NUCB1: variants seen among roughly 807,000 people sequenced by gnomAD.
NUCB1 encodes nucleobindin 1.
In NUCB1, 47 loss-of-function variants were observed where a neutral mutation model predicts 61.2. The ratio of observed to expected loss-of-function variants is 0.77; its 90% CI spans 0.61 to 0.98. The LOEUF (loss-of-function observed/expected upper bound fraction) is 0.98, where lower values mean the gene tolerates loss of function less well. NUCB1 is among the 50% of genes least tolerant of loss of function. The pLI is 0.00. For missense variants in NUCB1, 583 were observed against 605.3 expected, an observed-to-expected ratio of 0.96 and a Z score of 0.39; for synonymous variants, 234 against 243.1, an observed-to-expected ratio of 0.96 and a Z score of 0.35.
Position 48,908,648 on chromosome 19 carries a change from C to CGTGTGTGTGTGTGTGT in NUCB1, c.377-2466_377-2451dup, listed in dbSNP as rs58211997. Among the ~76,000 whole-genome samples, 641 of 86,532 alleles carry CGTGTGTGTGTGTGTGT rather than the reference C, an allele frequency of 7.4e-3. 23 individuals are homozygous for CGTGTGTGTGTGTGTGT. The highest frequency in any genetic ancestry group is 0.023 in the Middle Eastern group (4 of 176). The allele number at this position is 86,532 out of a possible 152,430, so 56.8% of individuals were successfully genotyped here. Reference sequence around the variant, plus strand: ...CTAGGTCTCCCAAATTCTAGCTGCCCGTGTGTGTGTGTGTGTGTGTGTGTG... The same window carrying CGTGTGTGTGTGTGTGT: ...CTAGGTCTCCCAAATTCTAGCTGCCCGTGTGTGTGTGTGTGTGTGTGTGTGTGTGTGTGTGTGTGTG... On this transcript the variant is annotated intron_variant, in intron 4 of 12. Transcript: ENST00000405315.
chr19:48,906,722 CA>C (rs1001905055), intron 4 of NUCB1, among the ~76,000 whole-genome samples: 24 of 143,122 alleles, frequency 1.7e-4, no homozygotes, highest in Non-Finnish European at 1.2e-4. Context: ...GATCCCATCT[CA>C]AAAAAAAAAA....
At chr19:48,921,767 T>A in intron 11 of NUCB1, 60 bp from the exon 12 acceptor site, 4 of 1,524,872 alleles carry the variant, frequency 2.6e-6, no homozygotes, top group Non-Finnish European at 3.6e-6. Context: ...GACTGAGGCC[T>A]GAGCACTTGC....
chr19:48,921,484 CCGTCTCTGA>C, intron 11 of NUCB1, 160 bp downstream of exon 11: 1 of 845,178 alleles, frequency 1.2e-6, no homozygotes, highest in Non-Finnish European at 1.9e-6. Context: ...AGACGTTTTC[CCGTCTCTGA>C]CGGCTCTGTG....
At chr19:48,904,529 T>A in intron 3 of NUCB1, 75 bp downstream of exon 3, 1 of 502,310 alleles carries the variant, frequency 2.0e-6, no homozygotes, top group Non-Finnish European at 3.1e-6. Flanking sequence ...ACTGGTTTCT[T>A]TTTTTTTTTT....
At chr19:48,911,426 A>T (rs2037472397) in intron 5 of NUCB1, among the ~76,000 whole-genome samples, 174 bp downstream of exon 5, 1 of 137,974 alleles carries the variant, frequency 7.2e-6, no homozygotes. Flanking sequence ...TTTTTTTGAG[A>T]CGAAATCTCG....
In NUCB1 at chr19:48,911,213, T is replaced by A. The variant is rs1399999179; in HGVS notation, c.441T>A (p.His147Gln). Residue 147 changes from histidine (H) to glutamine (Q), a missense_variant, in exon 5 of 13, where the codon CAT becomes CAA. By Grantham distance (24) the His-to-Gln change is conservative. Coordinates refer to ENST00000405315, the MANE Select transcript of NUCB1 (RefSeq NM_006184.6). ...AACACCTGGACCCTCAGAACCAGCATACATTCGAGGCCCGCGACCTGGAGC... is the reference window on the plus strand; with the variant it reads ...AACACCTGGACCCTCAGAACCAGCAAACATTCGAGGCCCGCGACCTGGAGC... ...QFEHLDPQNQ[H>Q]TFEARDLELL... is the part of the protein sequence containing the mutation. 6.2e-7 allele frequency: 1 copy of A among 1,613,670 alleles called. No homozygotes were observed. The highest frequency in any genetic ancestry group is 1.3e-5 in the African/African-American group (1 of 74,872).
chr19:48,908,136 T>G (rs781216462), intron 4 of NUCB1, among the ~76,000 whole-genome samples: 14 of 152,024 alleles, frequency 9.2e-5, no homozygotes, highest in Non-Finnish European at 1.9e-4. Context: ...CTCTTTTGGT[T>G]GTTGTTGTTT....
Position 48,921,189 on chromosome 19 carries a change from G to C in NUCB1, c.1038G>C (p.Glu346Asp), listed in dbSNP as rs377541515. ...VEMHPAYTEE[E>D]LRRFEEELAA... ...TGCACCCTGCCTACACCGAGGAAGA[G>C]CTGAGGCGCTTTGAAGAGGAGCTGG... The change falls in exon 11 of 13, where the codon GAG becomes GAC. Residue 346 changes from glutamate to aspartate, a missense_variant. Glu to Asp is a conservative substitution (Grantham distance 45, BLOSUM62 2). Transcript: ENST00000405315. 9.3e-6 allele frequency: 15 copies of C among 1,613,028 alleles called. No homozygotes were observed. Among genetic ancestry groups the C allele is most frequent in the Non-Finnish European group, 1.3e-5 (15 of 1,179,742 alleles).
chr19:48,910,074 T>G (rs2037455097), intron 4 of NUCB1, among the ~76,000 whole-genome samples: 1 of 151,944 alleles, frequency 6.6e-6, no homozygotes, highest in Non-Finnish European at 1.5e-5. Flanking sequence ...TGTATGTATG[T>G]ATTTATTTTA....
intron 7 of NUCB1, among the ~76,000 whole-genome samples, chr19:48,917,323 T>A (rs2037552052): frequency 6.6e-6 from 1 of 152,106 alleles, no homozygotes; most frequent in African/African-American, 2.4e-5. Context: ...TTTTTTATTT[T>A]TCATTTTTTT....
chr19:48,918,922 G>T, intron 8 of NUCB1, 108 bp from the exon 9 acceptor site: 6 of 1,335,978 alleles, frequency 4.5e-6, no homozygotes, highest in Non-Finnish European at 6.3e-6. Context: ...GGCAAAAACG[G>T]CTCCCAGGAG....
In NUCB1 at chr19:48,912,995, C is replaced by T. The variant is rs199660400; in HGVS notation, c.481-16C>T. ...GCAGAGGGGGCAGAGGGGAATGACC[C>T]TGTGCCTTTCCCCAGGCCACCCGGG... On this transcript the variant is annotated splice_polypyrimidine_tract_variant and intron_variant, in intron 5 of 12. Transcript: ENST00000405315. 3.1e-5 allele frequency: 50 copies of T among 1,593,944 alleles called. No individual in the cohort carries two copies. Among genetic ancestry groups the T allele is most frequent in the Non-Finnish European group, 5.1e-6 (6 of 1,169,218 alleles).
At chr19:48,921,436 G>C (rs1170756530) in intron 11 of NUCB1, 112 bp downstream of exon 11, 2 of 1,234,740 alleles carry the variant, frequency 1.6e-6, no homozygotes, top group East Asian at 5.1e-5. Flanking sequence ...TAATCACTGG[G>C]GGAGCCTCAA....
Position 48,922,322 on chromosome 19 carries a change from T to A in NUCB1, c.1284T>A (p.Asp428Glu), listed in dbSNP as rs201829642. The part of the protein sequence containing the change: ...GQLKFHPDTD[D>E]VPVPAPAGDQ... ...ATTCCCTCCCTCCATTTCCAGACGA[T>A]GTACCTGTCCCAGCTCCAGCCGGTG... Residue 428 changes from aspartate (D) to glutamate (E), a missense_variant, in exon 13 of 13, where the codon GAT becomes GAA. Asp to Glu is a conservative substitution (Grantham distance 45, BLOSUM62 2). Transcript: ENST00000405315. 1 of 1,613,380 alleles carries A rather than the reference T, an allele frequency of 6.2e-7. No individual in the cohort carries two copies. Among genetic ancestry groups the A allele is most frequent in the South Asian group, 1.1e-5 (1 of 91,082 alleles).
intron 7 of NUCB1, 61 bp from the exon 8 acceptor site, chr19:48,918,665 A>G: frequency 7.0e-7 from 1 of 1,420,646 alleles, no homozygotes; most frequent in Non-Finnish European, 1.0e-6. Context: ...TTTCTTCACC[A>G]GGGACCTTAC....
intron 4 of NUCB1, among the ~76,000 whole-genome samples, chr19:48,910,381 TG>T (rs1297094075): frequency 1.5e-3 from 1 of 646 alleles, no homozygotes; most frequent in African/African-American, 7.2e-3. Flanking sequence ...CAGCCTTGTT[TG>T]TTTTTTTTAA....
intron 7 of NUCB1, among the ~76,000 whole-genome samples, chr19:48,917,750 C>T (rs1177259788): frequency 3.3e-5 from 5 of 151,926 alleles, no homozygotes; most frequent in Admixed American, 1.3e-4. Flanking sequence ...CCTGCCTCGG[C>T]CTCCCAAAGT....
intron 5 of NUCB1, among the ~76,000 whole-genome samples, chr19:48,911,932 A>T (rs2037478508): frequency 6.6e-6 from 1 of 151,884 alleles, no homozygotes; most frequent in African/African-American, 2.4e-5. Context: ...CACAGAGCTT[A>T]TGAGATTTGG....
rs2037605705 is a variant in NUCB1, at chr19:48,921,192, G to C, written c.1041G>C (p.Leu347=). 2 of 1,613,068 alleles carry C rather than the reference G, an allele frequency of 1.2e-6. No homozygotes were observed. Among genetic ancestry groups the C allele is most frequent in the Non-Finnish European group, 1.7e-6 (2 of 1,179,784 alleles). ...EMHPAYTEEE[L]RRFEEELAAR... ...ACCCTGCCTACACCGAGGAAGAGCT[G>C]AGGCGCTTTGAAGAGGAGCTGGCTG... Residue 347 remains leucine, a synonymous_variant, in exon 11 of 13, where the codon CTG becomes CTC. Coordinates refer to ENST00000405315, the MANE Select transcript of NUCB1 (RefSeq NM_006184.6).
Sources: allele counts gnomAD v4.1 joint callset (sites outside exome capture counted in the v4.1 genomes callset), GRCh38; gene constraint gnomAD v4.1.1; transcripts MANE v1.5; gene names NCBI Gene and HGNC (gene_info 2026-07-23, HGNC 2026-07-21).